Variants in PIP4K2A observed in about 807,000 individuals in gnomAD.
The protein encoded by PIP4K2A is phosphatidylinositol-5-phosphate 4-kinase type 2 alpha.
PIP4K2A carries 14 observed loss-of-function variants against 42.9 expected under a neutral mutation model. The observed-to-expected ratio is 0.33, with a 90% confidence interval of 0.22 to 0.51. The LOEUF (loss-of-function observed/expected upper bound fraction) is 0.51. PIP4K2A is among the 20% of genes least tolerant of loss of function. The pLI is 0.97. For synonymous variants in PIP4K2A, 192 were observed against 192.2 expected (o/e 1.00, Z 0.01); for missense variants, 434 against 519.8 (o/e 0.83, Z 1.61).
chr10:22,597,991 T>C (rs73598577), intron 3 of PIP4K2A, among the ~76,000 whole-genome samples: 3,721 of 152,320 alleles, frequency 0.024, 144 homozygotes, highest in African/African-American at 0.079. Flanking sequence ...TCTACTCTCA[T>C]TAAAAATCAA....
chr10:22,638,617 T>C lies in PIP4K2A; in HGVS notation c.145-28900A>G, dbSNP rs1028456096. On this transcript the variant is annotated intron_variant, in intron 1 of 9. Coordinates refer to ENST00000376573, the MANE Select transcript of PIP4K2A (RefSeq NM_005028.5). ...CTAAGTAATTTTCAAAATAAGTATC[T>C]TAAACGGAAATTATTCTCCTAGTGA... Among the ~76,000 whole-genome samples the C allele has an allele frequency of 6.6e-5, 10 of 152,330 alleles. No individual in the cohort carries two copies. The East Asian group carries it at 1.9e-3, about 29-fold the overall frequency.
chr10:22,704,433 C>A (rs1194684728), intron 1 of PIP4K2A, among the ~76,000 whole-genome samples: 1 of 151,974 alleles, frequency 6.6e-6, no homozygotes, highest in Non-Finnish European at 1.5e-5. Flanking sequence ...TGACGGTTGC[C>A]AGGTACGGTG....
At chr10:22,682,291 T>G (rs2130881290) in intron 1 of PIP4K2A, among the ~76,000 whole-genome samples, 1 of 152,360 alleles carries the variant, frequency 6.6e-6, no homozygotes, top group Non-Finnish European at 1.5e-5. Flanking sequence ...GTATTTCAAC[T>G]ACTGTTTCTT....
chr10:22,584,806 A>C (rs1837356138), intron 4 of PIP4K2A, among the ~76,000 whole-genome samples: 1 of 152,194 alleles, frequency 6.6e-6, no homozygotes, highest in South Asian at 2.1e-4. Flanking sequence ...TCATAATCTG[A>C]TACTTACACA....
intron 1 of PIP4K2A, among the ~76,000 whole-genome samples, chr10:22,653,961 T>C (rs980646290): frequency 6.6e-6 from 1 of 152,218 alleles, no homozygotes; most frequent in African/African-American, 2.4e-5. Context: ...TCGGTGTTAA[T>C]ACCAAGAGAA....
chr10:22,641,311 C>T (rs1838778738), intron 1 of PIP4K2A, among the ~76,000 whole-genome samples: 1 of 152,196 alleles, frequency 6.6e-6, no homozygotes, highest in Non-Finnish European at 1.5e-5. Context: ...CTTAACAAGG[C>T]CACTCTCTGC....
chr10:22,571,890 C>T (rs191501076), intron 5 of PIP4K2A, among the ~76,000 whole-genome samples: 5 of 152,254 alleles, frequency 3.3e-5, no homozygotes, highest in East Asian at 3.9e-4. Context: ...CAAGACATTA[C>T]GGAGATTTGC....
At chr10:22,669,701 G>A (rs550282153) in intron 1 of PIP4K2A, among the ~76,000 whole-genome samples, 107 of 152,312 alleles carry the variant, frequency 7.0e-4, no homozygotes, top group African/African-American at 2.5e-3. Flanking sequence ...GACGGTCTGC[G>A]ACTTGCCAAG....
chr10:22,605,879 T>G (rs1164015054), intron 3 of PIP4K2A, among the ~76,000 whole-genome samples: 1 of 151,694 alleles, frequency 6.6e-6, no homozygotes, highest in Non-Finnish European at 1.5e-5. Flanking sequence ...CATTTTCAGG[T>G]GGCCTCTTTA....
At chr10:22,544,192 G>A (rs1345551035) in intron 7 of PIP4K2A, among the ~76,000 whole-genome samples, 1 of 152,150 alleles carries the variant, frequency 6.6e-6, no homozygotes, top group Non-Finnish European at 1.5e-5. Flanking sequence ...CAGCACACAT[G>A]GCACTGCTGT....
At chr10:22,617,760 T>A (rs1363938798) in intron 1 of PIP4K2A, among the ~76,000 whole-genome samples, 3 of 151,850 alleles carry the variant, frequency 2.0e-5, no homozygotes, top group Middle Eastern at 3.4e-3. Context: ...AGCATGAGCA[T>A]GGGGGAAGAC....
intron 3 of PIP4K2A, among the ~76,000 whole-genome samples, chr10:22,604,583 G>A (rs540085620): frequency 6.6e-6 from 1 of 152,274 alleles, no homozygotes; most frequent in East Asian, 1.9e-4. Flanking sequence ...AACACTATGA[G>A]AGCCTAGGTC....
At chr10:22,711,302 T>C (rs143910324) in intron 1 of PIP4K2A, among the ~76,000 whole-genome samples, 6 of 152,346 alleles carry the variant, frequency 3.9e-5, no homozygotes, top group African/African-American at 9.6e-5. Flanking sequence ...TTTGGCTTAA[T>C]AGACTGCAAT....
intron 1 of PIP4K2A, among the ~76,000 whole-genome samples, chr10:22,622,580 T>C (rs1173772718): frequency 6.6e-6 from 1 of 152,228 alleles, no homozygotes; most frequent in Non-Finnish European, 1.5e-5. Context: ...GGAAAGGCCC[T>C]AGAAATATTA....
chr10:22,573,205 T>C, intron 5 of PIP4K2A, 106 bp downstream of exon 5: 1 of 999,226 alleles, frequency 1.0e-6, no homozygotes, highest in East Asian at 2.4e-5. Context: ...CTGGTAGCTT[T>C]AAGTGCTGAG....
At chr10:22,688,526 C>T (rs1839803148) in intron 1 of PIP4K2A, among the ~76,000 whole-genome samples, 1 of 152,194 alleles carries the variant, frequency 6.6e-6, no homozygotes, top group Admixed American at 6.5e-5. Flanking sequence ...CATCTTGGCT[C>T]ACTGCAGCCT....
At chr10:22,589,929 C>A (rs757283158) in intron 4 of PIP4K2A, among the ~76,000 whole-genome samples, 9 of 152,156 alleles carry the variant, frequency 5.9e-5, no homozygotes, top group Non-Finnish European at 1.0e-4. Flanking sequence ...TTGTGTCCCC[C>A]AAAATGCTTA....
chr10:22,561,490 C>T (rs564518814), intron 6 of PIP4K2A, among the ~76,000 whole-genome samples: 5 of 149,628 alleles, frequency 3.3e-5, no homozygotes, highest in Admixed American at 6.7e-5. Context: ...TATAATGACT[C>T]ATATGAAAGA....
chr10:22,545,637 T>C lies in PIP4K2A; in HGVS notation c.793-3590A>G, dbSNP rs116149363. 5.4e-3 allele frequency among the ~76,000 whole-genome samples: 816 copies of C among 152,342 alleles called. 9 individuals carry two copies. The highest frequency in any genetic ancestry group is 0.018 in the African/African-American group (769 of 41,576). The stretch of plus-strand genomic sequence containing the variant: ...ATCAGCATGATGCAAAATGCATCTC[T>C]AGGTAAGAAGCTGTTCTGAGGCACC... On this transcript the variant is annotated intron_variant, in intron 7 of 9. Coordinates refer to ENST00000376573, the MANE Select transcript of PIP4K2A (RefSeq NM_005028.5).
Sources: gnomAD v4.1 joint callset for allele counts (sites outside exome capture counted in the v4.1 genomes callset) on GRCh38, gnomAD v4.1.1 for gene constraint, MANE v1.5 for transcripts, NCBI Gene and HGNC (gene_info 2026-07-23, HGNC 2026-07-21) for gene names.